Variants in GRM5 observed in about 807,000 individuals in gnomAD.
GRM5 encodes the protein metabotropic glutamate receptor 5.
In GRM5, 19 loss-of-function variants were observed where a neutral mutation model predicts 83.1. That is an observed-to-expected ratio of 0.23 (90% CI 0.16 to 0.34). GRM5 has a LOEUF of 0.34. Ranked by LOEUF, GRM5 falls within the 10% of genes least tolerant of loss-of-function variation. The probability of loss-of-function intolerance (pLI) is 1.00; values close to 1 mark genes in which losing one functional copy is unlikely to be tolerated. For synonymous variants in GRM5, 675 were observed against 633.6 expected, an observed-to-expected ratio of 1.07 and a Z score of -0.98; for missense variants, 1,160 against 1,588.3, an observed-to-expected ratio of 0.73 and a Z score of 4.58.
chr11:88,829,316 T>G lies in GRM5; in HGVS notation c.911+20590A>C, dbSNP rs575252594. Among the ~76,000 whole-genome samples, 530 of 151,920 alleles carry G rather than the reference T, an allele frequency of 3.5e-3. 3 individuals are homozygous for G. Among genetic ancestry groups the G allele is most frequent in the Non-Finnish European group, 4.6e-3 (310 of 67,920 alleles). ...TCTCTACTAAAAATACAAAATTTGGTGGGTCGCGGAAGCACATGCCTATAA... is the reference window on the plus strand; with the variant it reads ...TCTCTACTAAAAATACAAAATTTGGGGGGTCGCGGAAGCACATGCCTATAA... On this transcript the variant is annotated intron_variant, in intron 3 of 9. Transcript: ENST00000305447.
At chr11:88,778,832 A>C (rs1942915065) in intron 3 of GRM5, among the ~76,000 whole-genome samples, 1 of 152,136 alleles carries the variant, frequency 6.6e-6, no homozygotes, top group Admixed American at 6.5e-5. Flanking sequence ...GAGTTTTTTC[A>C]AGTTATCTAT....
chr11:88,689,847 A>T (rs150141361), intron 3 of GRM5, among the ~76,000 whole-genome samples: 1 of 152,318 alleles, frequency 6.6e-6, no homozygotes, highest in East Asian at 1.9e-4. Context: ...GACACTATCT[A>T]AGACTAAGCC....
intron 6 of GRM5, among the ~76,000 whole-genome samples, chr11:88,593,462 G>A (rs1285899000): frequency 6.6e-6 from 1 of 151,960 alleles, no homozygotes; most frequent in East Asian, 2.0e-4. Flanking sequence ...CGGATCACGA[G>A]GTCAGCAGAT....
rs373763426 is a variant in GRM5 at position 88,930,848 on chromosome 11, C to T, written c.662-80693G>A. Among the ~76,000 whole-genome samples the T allele has an allele frequency of 4.6e-5, 7 of 152,098 alleles. No homozygotes were observed. The East Asian group carries it at 1.4e-3, about 30-fold the overall frequency. ...ACAGGCATGAATGAGTCACCACACT[C>T]GGCCTCATATTGCCAACTCCTTAAT... On this transcript the variant is annotated intron_variant, in intron 2 of 9. Transcript: ENST00000305447.
chr11:88,720,574 G>T (rs1282901030), intron 3 of GRM5, among the ~76,000 whole-genome samples: 4 of 151,928 alleles, frequency 2.6e-5, no homozygotes. Context: ...AACAGTTTTA[G>T]CTGAAAACAC....
At chr11:89,048,202 G>A (rs1472584158) in intron 1 of GRM5, 130 bp from the exon 2 acceptor site, 4 of 235,542 alleles carry the variant, frequency 1.7e-5, no homozygotes, top group African/African-American at 4.6e-5. Context: ...ATTCAAAAAC[G>A]TTTCTGACTT....
intron 2 of GRM5, among the ~76,000 whole-genome samples, chr11:88,858,297 T>C (rs1373469013): frequency 6.6e-6 from 1 of 152,062 alleles, no homozygotes; most frequent in Non-Finnish European, 1.5e-5. Context: ...ATGTAACAAA[T>C]GTAGATAAGT....
chr11:88,663,963 G>A (rs1939973378), intron 3 of GRM5, among the ~76,000 whole-genome samples: 1 of 152,052 alleles, frequency 6.6e-6, no homozygotes, highest in African/African-American at 2.4e-5. Flanking sequence ...GGTCACTAGG[G>A]ACTTCATAAT....
intron 2 of GRM5, among the ~76,000 whole-genome samples, chr11:88,881,888 A>G (rs1415295318): frequency 1.6e-5 from 1 of 63,242 alleles, no homozygotes; most frequent in African/African-American, 9.1e-5. Context: ...AAGTACTTAT[A>G]TAAAACTGAG....
chr11:88,687,333 C>T (rs1027971553), intron 3 of GRM5, among the ~76,000 whole-genome samples: 1 of 148,466 alleles, frequency 6.7e-6, no homozygotes, highest in African/African-American at 2.5e-5. Context: ...AAAAATTAGC[C>T]GGGCATGGTG....
intron 3 of GRM5, among the ~76,000 whole-genome samples, chr11:88,735,981 G>A (rs1276768427): frequency 6.6e-6 from 1 of 151,958 alleles, no homozygotes; most frequent in Admixed American, 6.6e-5. Context: ...TTTTATGATT[G>A]TTCTCCCAGA....
At chr11:88,935,259 G>A (rs1208330322) in intron 2 of GRM5, among the ~76,000 whole-genome samples, 2 of 151,798 alleles carry the variant, frequency 1.3e-5, no homozygotes, top group East Asian at 3.9e-4. Context: ...GTTAGAAAGT[G>A]ACAAAAATAA....
chr11:88,706,605 G>A (rs1370545092), intron 3 of GRM5, among the ~76,000 whole-genome samples: 2 of 152,046 alleles, frequency 1.3e-5, no homozygotes, highest in East Asian at 3.9e-4. Context: ...TGATAGGTAT[G>A]AACCTGGATG....
intron 3 of GRM5, among the ~76,000 whole-genome samples, chr11:88,684,714 C>G (rs1459537830): frequency 6.6e-6 from 1 of 152,208 alleles, no homozygotes; most frequent in African/African-American, 2.4e-5. Flanking sequence ...TAATTTGAAT[C>G]ATGGGGCAGT....
At chr11:88,842,124 T>A (rs563282019) in intron 3 of GRM5, among the ~76,000 whole-genome samples, 1 of 152,318 alleles carries the variant, frequency 6.6e-6, no homozygotes, top group South Asian at 2.1e-4. Context: ...TTATAATAGA[T>A]TGGTGTAGAT....
intron 2 of GRM5, among the ~76,000 whole-genome samples, chr11:89,028,917 C>G (rs1356088185): frequency 6.6e-6 from 1 of 152,114 alleles, no homozygotes. Flanking sequence ...AGGTATTTTT[C>G]CTAATGCTAT....
At chr11:88,553,450 T>C (rs898299561) in intron 8 of GRM5, among the ~76,000 whole-genome samples, 1 of 152,162 alleles carries the variant, frequency 6.6e-6, no homozygotes, top group South Asian at 2.1e-4. Flanking sequence ...TTCTGCATTG[T>C]CATAATGTGT....
At chr11:88,733,291 T>C (rs1229611929) in intron 3 of GRM5, among the ~76,000 whole-genome samples, 2 of 152,012 alleles carry the variant, frequency 1.3e-5, no homozygotes, top group East Asian at 3.9e-4. Flanking sequence ...AGTCATTGAA[T>C]AACTTAAAAT....
intron 1 of GRM5, among the ~76,000 whole-genome samples, chr11:89,064,419 TG>T (rs1434052842): frequency 6.6e-6 from 1 of 152,206 alleles, no homozygotes; most frequent in Admixed American, 6.5e-5. Context: ...GGCTGGAGGT[TG>T]GATTTTCCTC....
Sources: gnomAD v4.1 joint callset for allele counts (sites outside exome capture counted in the v4.1 genomes callset) on GRCh38, gnomAD v4.1.1 for gene constraint, MANE v1.5 for transcripts, NCBI Gene and HGNC (gene_info 2026-07-23, HGNC 2026-07-21) for gene names.